Variants in PLCB1 observed in about 807,000 individuals in gnomAD.
PLCB1 encodes the protein 1-phosphatidylinositol 4,5-bisphosphate phosphodiesterase beta-1.
In PLCB1, 46 loss-of-function variants were observed where a neutral mutation model predicts 161.8. That is an observed-to-expected ratio of 0.28 (90% CI 0.22 to 0.36). PLCB1 has a LOEUF of 0.36. PLCB1 is among the 10% of genes least tolerant of loss of function. PLCB1 has a pLI of 1.00. For missense variants in PLCB1, 1,016 were observed against 1,472.5 expected (o/e 0.69, Z 5.07); for synonymous variants, 517 against 503.7 (o/e 1.03, Z -0.35).
intron 3 of PLCB1, among the ~76,000 whole-genome samples, chr20:8,444,652 T>A (rs2122625274): frequency 6.6e-6 from 1 of 152,244 alleles, no homozygotes; most frequent in East Asian, 1.9e-4. Context: ...TGAACTAGTT[T>A]ACAGTCCCAC....
At chr20:8,665,544 G>T (rs181351401) in intron 9 of PLCB1, among the ~76,000 whole-genome samples, 4 of 151,968 alleles carry the variant, frequency 2.6e-5, no homozygotes, top group Non-Finnish European at 5.9e-5. Flanking sequence ...AAAAAAATAT[G>T]GCATGTCACA....
intron 2 of PLCB1, among the ~76,000 whole-genome samples, chr20:8,358,859 A>G: frequency 6.6e-6 from 1 of 152,160 alleles, no homozygotes; most frequent in East Asian, 1.9e-4. Context: ...ACTTTTTTAA[A>G]GATTCTGTGC....
intron 3 of PLCB1, among the ~76,000 whole-genome samples, chr20:8,412,692 G>T (rs779110640): frequency 1.3e-4 from 20 of 151,930 alleles, no homozygotes; most frequent in Non-Finnish European, 2.5e-4. Context: ...CATATGAAGG[G>T]CAACTCATCA....
intron 4 of PLCB1, among the ~76,000 whole-genome samples, chr20:8,629,865 CTTT>C (rs1988492390): frequency 2.2e-5 from 2 of 91,098 alleles, no homozygotes; most frequent in Middle Eastern, 5.7e-3. Context: ...TTCTTTCTTT[CTTT>C]CTTTCTTTCT....
chr20:8,873,158 TG>T (rs1243100880), intron 31 of PLCB1, among the ~76,000 whole-genome samples: 1 of 91,012 alleles, frequency 1.1e-5, no homozygotes, highest in Non-Finnish European at 2.4e-5. Flanking sequence ...GGATATAGCA[TG>T]TGGTCACTTT....
intron 12 of PLCB1, among the ~76,000 whole-genome samples, chr20:8,712,816 A>G (rs1979091266): frequency 6.6e-6 from 1 of 152,198 alleles, no homozygotes. Context: ...CCTTGGGAGT[A>G]TTTTATTATG....
intron 3 of PLCB1, among the ~76,000 whole-genome samples, chr20:8,538,648 T>A (rs62197646): frequency 5.3e-5 from 8 of 151,542 alleles, no homozygotes; most frequent in Non-Finnish European, 1.2e-4. Context: ...TGTGCCCAGC[T>A]GATAAGGTAC....
chr20:8,261,397 A>G (rs1458103477), intron 2 of PLCB1, among the ~76,000 whole-genome samples: 4 of 152,172 alleles, frequency 2.6e-5, no homozygotes, highest in African/African-American at 9.7e-5. Context: ...CTAAGTGCCA[A>G]AATTCATGTT....
chr20:8,801,793 G>A (rs1984292431), intron 31 of PLCB1, among the ~76,000 whole-genome samples: 1 of 152,152 alleles, frequency 6.6e-6, no homozygotes, highest in Admixed American at 6.5e-5. Context: ...AAAAGTAACA[G>A]CTGTGATCAT....
rs1285307191 is a variant in PLCB1 at position 8,733,325 on chromosome 20, AC to A, written c.1977del (p.Asp659GlufsTer12). On this transcript the variant is annotated frameshift_variant, in exon 19 of 32. Transcript: ENST00000338037. LOFTEE classifies it high-confidence loss of function. ...RLKPEFMRRP[D>X]KHFDPFTEGI... Reference sequence around the variant, plus strand: ...AAGCCAGAGTTCATGAGGAGGCCTGACAAGCATTTTGATCCATTTACTGAAG... The same window carrying A: ...AAGCCAGAGTTCATGAGGAGGCCTGAAAGCATTTTGATCCATTTACTGAAG... 1 of 1,613,946 alleles carries A rather than the reference AC, an allele frequency of 6.2e-7. No homozygotes were observed. Among genetic ancestry groups the A allele is most frequent in the African/African-American group, 1.3e-5 (1 of 74,920 alleles).
intron 3 of PLCB1, among the ~76,000 whole-genome samples, chr20:8,442,487 T>C (rs1453164600): frequency 1.3e-5 from 2 of 152,214 alleles, no homozygotes; most frequent in African/African-American, 4.8e-5. Context: ...GTTCTACCTC[T>C]TAATACTATC....
intron 11 of PLCB1, among the ~76,000 whole-genome samples, chr20:8,704,096 A>AT: frequency 6.6e-6 from 1 of 152,296 alleles, no homozygotes; most frequent in South Asian, 2.1e-4. Flanking sequence ...GCTCATGCCT[A>AT]TAATCCCAGC....
intron 3 of PLCB1, among the ~76,000 whole-genome samples, chr20:8,620,868 G>A (rs1484174276): frequency 4.6e-5 from 7 of 151,550 alleles, no homozygotes; most frequent in South Asian, 4.2e-4. Context: ...AGGGAACATC[G>A]TGTTTGTCAT....
Position 8,132,678 on chromosome 20 carries a change from C to A in PLCB1, c.27C>A (p.His9Gln), listed in dbSNP as rs774138539. MAGAQPGV[H>Q]ALQLKPVCVS... ...TGGCCGGGGCTCAACCCGGAGTGCA[C>A]GCCTTGCAACTCAAGCCCGTGTGCG... The change falls in exon 1 of 32, where the codon CAC (histidine) becomes CAA (glutamine). Residue 9 changes from histidine to glutamine, a missense_variant. His to Gln is a conservative substitution (Grantham distance 24, BLOSUM62 0). This residue lies in a region of PLCB1 where 181 missense variants were observed against 236.7 expected (regional missense o/e 0.76). Coordinates refer to ENST00000338037, the MANE Select transcript of PLCB1 (RefSeq NM_015192.4). This position sits in a 1 kb window ranked among gnomAD's most constrained non-coding sequence, Gnocchi z 5.2. The A allele has an allele frequency of 6.2e-7, 1 of 1,612,430 alleles. No individual in the cohort carries two copies. Among genetic ancestry groups the A allele is most frequent in the East Asian group, 2.2e-5 (1 of 44,810 alleles).
intron 3 of PLCB1, among the ~76,000 whole-genome samples, chr20:8,435,281 C>T (rs189757750): frequency 5.3e-5 from 8 of 152,218 alleles, no homozygotes; most frequent in South Asian, 2.1e-4. Flanking sequence ...GAATCCCATC[C>T]GTTGGTGTCC....
intron 2 of PLCB1, among the ~76,000 whole-genome samples, chr20:8,330,070 G>T (rs1985307216): frequency 6.6e-6 from 1 of 152,130 alleles, no homozygotes; most frequent in Non-Finnish European, 1.5e-5. Context: ...CTAAGATCAA[G>T]ATTCCATCCC....
chr20:8,531,138 A>G (rs536931959), intron 3 of PLCB1, among the ~76,000 whole-genome samples: 2 of 152,146 alleles, frequency 1.3e-5, no homozygotes, highest in South Asian at 4.1e-4. Flanking sequence ...TTTTGTCTAA[A>G]GGAGAGTGTG....
chr20:8,550,526 G>A (rs920521770), intron 3 of PLCB1, among the ~76,000 whole-genome samples: 5 of 152,022 alleles, frequency 3.3e-5, no homozygotes, highest in Admixed American at 2.0e-4. Flanking sequence ...ATGATTGTAA[G>A]TTTCCTGAGG....
At chr20:8,807,628 T>C (rs1000633631) in intron 31 of PLCB1, among the ~76,000 whole-genome samples, 1 of 151,916 alleles carries the variant, frequency 6.6e-6, no homozygotes, top group African/African-American at 2.4e-5. Context: ...GGCACTGGGC[T>C]AGGTGCTGGG....
Sources: allele counts gnomAD v4.1 joint callset (sites outside exome capture counted in the v4.1 genomes callset), GRCh38; gene constraint gnomAD v4.1.1; regional missense constraint gnomAD v4.1.1; non-coding constraint Gnocchi (gnomAD v3.1); transcripts MANE v1.5; gene names NCBI Gene and HGNC (gene_info 2026-07-23, HGNC 2026-07-21).